Variants in TSPOAP1 observed in about 807,000 individuals in gnomAD.
TSPOAP1 encodes TSPO associated protein 1.
TSPOAP1 carries 87 observed loss-of-function variants against 197.0 expected under a neutral mutation model. The ratio of observed to expected loss-of-function variants is 0.44; its 90% confidence interval spans 0.37 to 0.53. The LOEUF is 0.53. Ranked by LOEUF, TSPOAP1 falls within the 20% of genes least tolerant of loss-of-function variation. TSPOAP1 has a pLI of 0.00. For missense variants in TSPOAP1, 2,174 were observed against 2,411.3 expected (o/e 0.90, Z 2.06); for synonymous variants, 913 against 998.9 (o/e 0.91, Z 1.62).
At position 58,308,624 on chromosome 17, in the gene TSPOAP1, G is replaced by A. The variant is rs1349903268; in HGVS notation, c.4648C>T (p.Pro1550Ser). The change falls in exon 22 of 32, where the codon CCA (proline) becomes TCA (serine). Residue 1550 changes from proline to serine, a missense_variant. Around this residue, in one of 5 missense-constraint regions of TSPOAP1, gnomAD observed 1,933 missense variants for 2,139.0 expected, o/e 0.90. Coordinates refer to ENST00000343736, the MANE Select transcript of TSPOAP1 (RefSeq NM_004758.4). ...CCTTTCTCCCAGGCTGGGAGGCGTG[G>A]GTAGGGCTTGGGGCCTGAATTGGCC... ...PKANSGPKPY[P>S]RLPAWEKGEP... The A allele has an allele frequency of 8.1e-6, 13 of 1,603,674 alleles. 1 individual carries two copies. The highest frequency in any genetic ancestry group is 1.1e-5 in the Non-Finnish European group (13 of 1,173,280).
At position 58,327,974 on chromosome 17, in the gene TSPOAP1, G is replaced by C; in HGVS notation, c.-54C>G. ...GCCGGGGGACATCACCCAGCCAGGT[G>C]GGGGGACTGGCGAGGGTCATGCCAG... On this transcript the variant is annotated 5_prime_UTR_variant, in exon 1 of 32. Transcript: ENST00000343736. 3.4e-6 allele frequency: 5 copies of C among 1,459,284 alleles called. No homozygotes were observed. In the South Asian group the frequency reaches 6.4e-5, roughly 19 times the overall value. 90.4% of individuals were successfully genotyped at this position (1,459,284 alleles called of 1,614,324 possible).
chr17:58,313,271 AATAATTTC>A (rs900598312), intron 16 of TSPOAP1, among the ~76,000 whole-genome samples: 1 of 152,182 alleles, frequency 6.6e-6, no homozygotes, highest in African/African-American at 2.4e-5. Context: ...AAATTGCAAT[AATAATTTC>A]ATAATTTCAT....
rs938469382 is a variant in TSPOAP1 at position 58,302,170 on chromosome 17, C to G, written c.*310G>C. The G allele has an allele frequency of 1.8e-6, 2 of 1,113,254 alleles. No individual in the cohort carries two copies. The highest frequency in any genetic ancestry group is 2.3e-6 in the Non-Finnish European group (2 of 859,724). 69.0% of individuals were successfully genotyped at this position (1,113,254 alleles called of 1,614,324 possible). ...ATGCCACAGTGTTAACGCAGAAGAA[C>G]GGGGGCTCTGGGCCCAGTCTGAGCC... On this transcript the variant is annotated 3_prime_UTR_variant, in exon 32 of 32. Coordinates refer to ENST00000343736, the MANE Select transcript of TSPOAP1 (RefSeq NM_004758.4).
At chr17:58,305,282 T>C (rs1356201592) in intron 29 of TSPOAP1, 105 bp downstream of exon 29, 12 of 1,504,660 alleles carry the variant, frequency 8.0e-6, no homozygotes, top group East Asian at 2.3e-5. Flanking sequence ...TCCAGGGAGG[T>C]GACCCGTTCC....
Position 58,326,299 on chromosome 17 carries a change from C to G in TSPOAP1, c.564G>C (p.Leu188=), listed in dbSNP as rs1315547209. The change falls in exon 3 of 32, where the codon CTG becomes CTC. Residue 188 remains leucine, a synonymous_variant. Coordinates refer to ENST00000343736, the MANE Select transcript of TSPOAP1 (RefSeq NM_004758.4). The surrounding 1 kb of genome is among the most constrained non-coding windows in gnomAD (Gnocchi z 4.7). ...AGCAGCCTCCTTTCCTCACCACCCT[C>G]AGGTTCGTTTCCTGCAGCTTTCGGG... ...ERARKLQETN[L]RVVSAPLPRP... is the part of the protein sequence containing the mutation. 1.2e-6 allele frequency: 2 copies of G among 1,614,078 alleles called. No homozygotes were observed. The highest frequency in any genetic ancestry group is 3.3e-5 in the Admixed American group (2 of 60,028).
chr17:58,326,148 TC>T lies in TSPOAP1; in HGVS notation c.570+144del, dbSNP rs1469846319. On this transcript the variant is annotated intron_variant, in intron 3 of 31. Transcript: ENST00000343736. The surrounding 1 kb of genome is among the most constrained non-coding windows in gnomAD (Gnocchi z 4.7). ...TCCTTGCCTGGCCAGCCTCTGCCCT[TC>T]CTGCACCTTAGCCCCTAGATTCTTG... The T allele has an allele frequency of 7.4e-7, 1 of 1,356,056 alleles. No homozygotes were observed. The highest frequency in any genetic ancestry group is 9.9e-7 in the Non-Finnish European group (1 of 1,009,718). The allele number at this position is 1,356,056 out of a possible 1,614,324, so 84.0% of individuals were successfully genotyped here.
rs146385838 is a variant in TSPOAP1, at chr17:58,327,742, C to T, written c.179G>A (p.Ser60Asn). ...LQLQELRSEE[S>N]SKPKGDGSSR... ...GCTCCCGTCTCCTTTGGGCTTGGAA[C>T]TCTCCTCAGACCTCAGTTCTTGAAG... Residue 60 changes from serine (S) to asparagine (N), a missense_variant, in exon 1 of 32, where the codon AGT (serine) becomes AAT (asparagine). Transcript: ENST00000343736. 4.9e-4 allele frequency: 796 copies of T among 1,614,242 alleles called. 4 individuals are homozygous for T. The African/African-American group carries it at 7.0e-3, about 14-fold the overall frequency.
chr17:58,322,268 G>A lies in TSPOAP1; in HGVS notation c.1422+40C>T, dbSNP rs368298427. 1.3e-6 allele frequency: 2 copies of A among 1,578,214 alleles called. No homozygotes were observed. Among genetic ancestry groups the A allele is most frequent in the African/African-American group, 2.7e-5 (2 of 74,452 alleles). ...GTGGAATGAGTGAGTGGCAAAGCTG[G>A]TGTCCAGCAGCCTGCCAGCTTCCCT... is the stretch of plus-strand genomic sequence containing the variant. On this transcript the variant is annotated intron_variant, in intron 10 of 31. Transcript: ENST00000343736. This position sits in a 1 kb window ranked among gnomAD's most constrained non-coding sequence, Gnocchi z 5.0.
chr17:58,315,203 TC>T, intron 16 of TSPOAP1, among the ~76,000 whole-genome samples: 1 of 152,184 alleles, frequency 6.6e-6, no homozygotes, highest in Non-Finnish European at 1.5e-5. Context: ...CAGCAGCTCC[TC>T]AAGTAACAGG....
Position 58,310,508 on chromosome 17 carries a change from C to T in TSPOAP1, c.3699+4G>A, listed in dbSNP as rs1254625255. 3 of 1,612,626 alleles carry T rather than the reference C, an allele frequency of 1.9e-6. No homozygotes were observed. In the African/African-American group the frequency reaches 4.0e-5, roughly 22 times the overall value. ...AGTGACACAGTGTGTCCCCAAACCCCTACCTCAGCCCTGGGCCTCAGCCCA... is the reference window on the plus strand; with the variant it reads ...AGTGACACAGTGTGTCCCCAAACCCTTACCTCAGCCCTGGGCCTCAGCCCA... On this transcript the variant is annotated splice_donor_region_variant and intron_variant, in intron 20 of 31. Coordinates refer to ENST00000343736, the MANE Select transcript of TSPOAP1 (RefSeq NM_004758.4).
At position 58,310,083 on chromosome 17, in the gene TSPOAP1, C is replaced by G. The variant is rs1446006329; in HGVS notation, c.3775G>C (p.Asp1259His). The G allele has an allele frequency of 6.2e-7, 1 of 1,613,476 alleles. No individual in the cohort carries two copies. ...TCCTCTTCCTCTTCCTCCTGGATGT[C>G]TGACAGGTCTGAGTTGCGGCCGTGG... ...VDHGRNSDLS[D>H]IQEEEEEEEE... The change falls in exon 21 of 32, where the codon GAC (aspartate) becomes CAC (histidine). Residue 1259 changes from aspartate to histidine, a missense_variant. By Grantham distance (81) the Asp-to-His change is moderately conservative (BLOSUM62 -1). Transcript: ENST00000343736.
At position 58,315,938 on chromosome 17, in the gene TSPOAP1, T is replaced by C. The variant is rs1157224896; in HGVS notation, c.2098+85A>G. On this transcript the variant is annotated intron_variant, in intron 16 of 31. Coordinates refer to ENST00000343736, the MANE Select transcript of TSPOAP1 (RefSeq NM_004758.4). ...ATGGATGGATGGATGGATGAATGGA[T>C]GGATGGATGGATGGATATCCGTCTT... 1.9e-5 allele frequency: 19 copies of C among 1,005,310 alleles called. No homozygotes were observed. The East Asian group carries it at 3.8e-4, about 20-fold the overall frequency. 62.3% of individuals were successfully genotyped at this position (1,005,310 alleles called of 1,614,324 possible).
In TSPOAP1 at chr17:58,324,940, C is replaced by T. The variant is rs1971528912; in HGVS notation, c.813G>A (p.Glu271=). 1.3e-6 allele frequency: 2 copies of T among 1,539,922 alleles called. No homozygotes were observed. Among genetic ancestry groups the T allele is most frequent in the East Asian group, 2.4e-5 (1 of 40,834 alleles). Reference sequence around the variant, plus strand: ...CGATCTGCCTCTGCAGCCGCAGCACCTCCCGCTGGGACTCGCGCAGCAGCC... The same window carrying T: ...CGATCTGCCTCTGCAGCCGCAGCACTTCCCGCTGGGACTCGCGCAGCAGCC... ...FDRLLRESQR[E]VLRLQRQIAL... is the part of the protein sequence containing the mutation. The change falls in exon 5 of 32, where the codon GAG becomes GAA. Residue 271 remains glutamate, a synonymous_variant. Transcript: ENST00000343736. The surrounding 1 kb of genome is among the most constrained non-coding windows in gnomAD (Gnocchi z 5.8).
At chr17:58,308,081 C>T (rs914231723) in intron 22 of TSPOAP1, 140 bp from the exon 23 acceptor site, 14 of 916,060 alleles carry the variant, frequency 1.5e-5, no homozygotes, top group Non-Finnish European at 2.1e-5. Context: ...CTCGGCCCAG[C>T]CTGCTGGAGA....
Position 58,312,062 on chromosome 17 carries a change from C to T in TSPOAP1, c.2759G>A (p.Cys920Tyr), listed in dbSNP as rs367727209. The change falls in exon 17 of 32, where the codon TGC (cysteine) becomes TAC (tyrosine). Residue 920 changes from cysteine (C) to tyrosine (Y), a missense_variant. Physicochemically the swap from Cys to Tyr is radical, Grantham distance 194 (BLOSUM62 -2). This residue lies in a region of TSPOAP1 where 1,933 missense variants were observed against 2,139.0 expected (regional missense o/e 0.90). Coordinates refer to ENST00000343736, the MANE Select transcript of TSPOAP1 (RefSeq NM_004758.4). ...GTAGGTACTGGGGCTGGCAGGTGGG[C>T]ACTCTTCCCCATTGAGGTAGATGGC... is the stretch of plus-strand genomic sequence containing the variant. ...AHAIYLNGEE[C>Y]PPASPSTYWA... 2.6e-5 allele frequency: 42 copies of T among 1,613,452 alleles called. No individual in the cohort carries two copies. In the African/African-American group the frequency reaches 5.1e-4, roughly 19 times the overall value.
At position 58,325,721 on chromosome 17, in the gene TSPOAP1, G is replaced by A. The variant is rs200507419; in HGVS notation, c.571-8C>T. ...GGGCAAGGGGGCACTCACCTAGCCA[G>A]AGGAGGGGTAAGGCCAATGGTCACC... On this transcript the variant is annotated splice_polypyrimidine_tract_variant and splice_region_variant and intron_variant, in intron 3 of 31. Coordinates refer to ENST00000343736, the MANE Select transcript of TSPOAP1 (RefSeq NM_004758.4). 1 of 1,599,512 alleles carries A rather than the reference G, an allele frequency of 6.3e-7. No homozygotes were observed. The highest frequency in any genetic ancestry group is 1.7e-5 in the Admixed American group (1 of 59,378).
In TSPOAP1 at chr17:58,322,551, C is replaced by A. The variant is rs1454459511; in HGVS notation, c.1317+103G>T. 3 of 1,563,388 alleles carry A rather than the reference C, an allele frequency of 1.9e-6. No homozygotes were observed. Among genetic ancestry groups the A allele is most frequent in the South Asian group, 1.2e-5 (1 of 86,650 alleles). On this transcript the variant is annotated intron_variant, in intron 9 of 31. Transcript: ENST00000343736. The surrounding 1 kb of genome is among the most constrained non-coding windows in gnomAD (Gnocchi z 5.0). ...AAACTGAGCCTGGAGCAGCTCCAGGCCCAGGCCTCAGAGCTAGTGCCCCTC... is the reference window on the plus strand; with the variant it reads ...AAACTGAGCCTGGAGCAGCTCCAGGACCAGGCCTCAGAGCTAGTGCCCCTC...
rs904371043 is a variant in TSPOAP1 at position 58,324,158 on chromosome 17, C to G, written c.943-613G>C. ...ACAAAATCTGAGCAAGAAGCCTCCC[C>G]CCACCCGGAGGTCTTGGTCACTATC... On this transcript the variant is annotated intron_variant, in intron 5 of 31. Coordinates refer to ENST00000343736, the MANE Select transcript of TSPOAP1 (RefSeq NM_004758.4). This position sits in a 1 kb window ranked among gnomAD's most constrained non-coding sequence, Gnocchi z 5.8. 7.9e-5 allele frequency among the ~76,000 whole-genome samples: 12 copies of G among 152,244 alleles called. No homozygotes were observed. Among genetic ancestry groups the G allele is most frequent in the Admixed American group, 5.9e-4 (9 of 15,290 alleles).
intron 7 of TSPOAP1, 33 bp downstream of exon 7, chr17:58,323,265 G>T: frequency 6.2e-7 from 1 of 1,612,516 alleles, no homozygotes; most frequent in East Asian, 2.2e-5. Flanking sequence ...GTGAAGGGAG[G>T]AGCTGGCCTC....
Sources: gnomAD v4.1 joint callset for allele counts (sites outside exome capture counted in the v4.1 genomes callset) on GRCh38, gnomAD v4.1.1 for gene constraint, gnomAD v4.1.1 regional missense constraint, Gnocchi (gnomAD v3.1) non-coding constraint, MANE v1.5 for transcripts, NCBI Gene and HGNC (gene_info 2026-07-23, HGNC 2026-07-21) for gene names.